KCNJ6: variants seen among roughly 807,000 people sequenced by gnomAD.
The protein encoded by KCNJ6 is G protein-activated inward rectifier potassium channel 2.
A neutral mutation model predicts 34.2 loss-of-function variants in KCNJ6; 9 were observed. The observed-to-expected ratio is 0.26, with a 90% CI of 0.16 to 0.46. KCNJ6 has a LOEUF of 0.46. Ranked by LOEUF, KCNJ6 falls within the 20% of genes least tolerant of loss-of-function variation. The probability of loss-of-function intolerance (pLI) is 1.00; values close to 1 mark genes in which losing one functional copy is unlikely to be tolerated. For synonymous variants in KCNJ6, 196 were observed against 207.1 expected, an observed-to-expected ratio of 0.95 and a Z score of 0.46; for missense variants, 236 against 531.3, an observed-to-expected ratio of 0.44 and a Z score of 5.46.
At chr21:37,692,958 C>A (rs1179064261) in intron 3 of KCNJ6, among the ~76,000 whole-genome samples, 1 of 152,134 alleles carries the variant, frequency 6.6e-6, no homozygotes, top group African/African-American at 2.4e-5. Flanking sequence ...TTTGGGTTGA[C>A]AAGAGCCACA....
intron 2 of KCNJ6, among the ~76,000 whole-genome samples, chr21:37,786,356 C>T (rs1326412557): frequency 6.6e-6 from 1 of 152,216 alleles, no homozygotes; most frequent in Non-Finnish European, 1.5e-5. Context: ...ACCCCATGTG[C>T]TTCTTCCTGT....
intron 2 of KCNJ6, among the ~76,000 whole-genome samples, chr21:37,826,188 T>A (rs1372956896): frequency 6.8e-6 from 1 of 146,456 alleles, no homozygotes; most frequent in African/African-American, 2.7e-5. Flanking sequence ...TACCCTGGGG[T>A]CAATAATAAT....
chr21:37,669,296 C>T (rs1351120101), intron 3 of KCNJ6, among the ~76,000 whole-genome samples: 1 of 152,164 alleles, frequency 6.6e-6, no homozygotes, highest in East Asian at 1.9e-4. Flanking sequence ...TTATGTCTCC[C>T]TAAAACGTAT....
chr21:37,638,931 C>A (rs528362560), intron 3 of KCNJ6, among the ~76,000 whole-genome samples: 130 of 152,340 alleles, frequency 8.5e-4, no homozygotes, highest in African/African-American at 2.6e-3. Flanking sequence ...TCGGAACGGT[C>A]ACATCCTTAA....
chr21:37,846,944 G>A (rs2055511866), intron 1 of KCNJ6, among the ~76,000 whole-genome samples: 1 of 152,042 alleles, frequency 6.6e-6, no homozygotes, highest in African/African-American at 2.4e-5. Context: ...TGATTTAAAT[G>A]GAAAATGCCA....
intron 2 of KCNJ6, among the ~76,000 whole-genome samples, chr21:37,825,791 G>C (rs1335982846): frequency 6.6e-6 from 1 of 152,194 alleles, no homozygotes; most frequent in Non-Finnish European, 1.5e-5. Flanking sequence ...AAGAACAAAG[G>C]CGTGTCCTAC....
chr21:37,868,735 C>T (rs2055635476), intron 1 of KCNJ6, among the ~76,000 whole-genome samples: 1 of 152,202 alleles, frequency 6.6e-6, no homozygotes, highest in Non-Finnish European at 1.5e-5. Context: ...CAGCTCAAGA[C>T]CTGTGCAATA....
At chr21:37,909,746 T>G (rs529924084) in intron 1 of KCNJ6, among the ~76,000 whole-genome samples, 1 of 152,318 alleles carries the variant, frequency 6.6e-6, no homozygotes, top group Non-Finnish European at 1.5e-5. Context: ...TTATTACTCT[T>G]ATTGTTATTA....
chr21:37,759,208 CTCTG>C (rs2055047705), intron 2 of KCNJ6, among the ~76,000 whole-genome samples: 1 of 152,180 alleles, frequency 6.6e-6, no homozygotes, highest in African/African-American at 2.4e-5. Context: ...CGGGCTGCAT[CTCTG>C]TCCTACTCTC....
chr21:37,663,957 T>C (rs1249897747), intron 3 of KCNJ6, among the ~76,000 whole-genome samples: 2 of 152,214 alleles, frequency 1.3e-5, no homozygotes, highest in Non-Finnish European at 2.9e-5. Flanking sequence ...ATATTTACCA[T>C]GTACAACGTT....
rs541108762 is a variant in KCNJ6, at chr21:37,902,166, T to A, written c.-28+13718A>T. On this transcript the variant is annotated intron_variant, in intron 1 of 3. Coordinates refer to ENST00000609713, the MANE Select transcript of KCNJ6 (RefSeq NM_002240.5). ...TTTAAGGCAACCCAGAAGAACAATG[T>A]CAATACAGGAAGACCAGAAATCAGT... Among the ~76,000 whole-genome samples the A allele has an allele frequency of 2.0e-5, 3 of 152,372 alleles. No individual in the cohort carries two copies. The South Asian group carries it at 6.2e-4, about 32-fold the overall frequency.
At chr21:37,715,460 T>G (rs1273304238) in intron 2 of KCNJ6, among the ~76,000 whole-genome samples, 1 of 152,222 alleles carries the variant, frequency 6.6e-6, no homozygotes, top group Non-Finnish European at 1.5e-5. Context: ...TGCTGTGGCA[T>G]GGGAGAGGCA....
intron 3 of KCNJ6, among the ~76,000 whole-genome samples, chr21:37,670,544 A>AAC (rs2054536671): frequency 6.6e-6 from 1 of 152,140 alleles, no homozygotes; most frequent in Non-Finnish European, 1.5e-5. Flanking sequence ...GTGTGCAGAT[A>AAC]ACTTGAGCTC....
chr21:37,704,643 C>T (rs879824451), intron 3 of KCNJ6, among the ~76,000 whole-genome samples: 3 of 142,924 alleles, frequency 2.1e-5, no homozygotes, highest in Non-Finnish European at 4.7e-5. Flanking sequence ...CCTAGGATGG[C>T]CTCAGTATGA....
chr21:37,645,325 A>G (rs1459552900), intron 3 of KCNJ6, among the ~76,000 whole-genome samples: 2 of 152,150 alleles, frequency 1.3e-5, no homozygotes, highest in Middle Eastern at 6.3e-3. Context: ...TGATTGCACT[A>G]CTGCACTCCA....
At chr21:37,651,306 A>G (rs1368863171) in intron 3 of KCNJ6, among the ~76,000 whole-genome samples, 1 of 152,226 alleles carries the variant, frequency 6.6e-6, no homozygotes, top group Non-Finnish European at 1.5e-5. Flanking sequence ...GGGGGCCCAC[A>G]TGTAGGCCTG....
intron 2 of KCNJ6, among the ~76,000 whole-genome samples, chr21:37,839,398 C>T (rs955022968): frequency 6.6e-6 from 1 of 152,058 alleles, no homozygotes; most frequent in African/African-American, 2.4e-5. Flanking sequence ...GGTTTGGGGT[C>T]AGGAATGAAA....
intron 3 of KCNJ6, among the ~76,000 whole-genome samples, chr21:37,655,274 A>G (rs2054458391): frequency 1.3e-5 from 1 of 78,106 alleles, no homozygotes; most frequent in African/African-American, 7.2e-5. Context: ...AGAGAGAGAG[A>G]GAGAGAGAGA....
intron 1 of KCNJ6, among the ~76,000 whole-genome samples, chr21:37,892,796 C>G (rs1396139838): frequency 6.6e-6 from 1 of 151,706 alleles, no homozygotes; most frequent in East Asian, 1.9e-4. Flanking sequence ...AATCACTATA[C>G]AGGAGAGTGA....
Sources: allele counts gnomAD v4.1 joint callset (sites outside exome capture counted in the v4.1 genomes callset), GRCh38; gene constraint gnomAD v4.1.1; transcripts MANE v1.5; gene names NCBI Gene and HGNC (gene_info 2026-07-23, HGNC 2026-07-21).